ENOX2: variants seen among roughly 807,000 people sequenced by gnomAD.
ENOX2 encodes APK1 antigen.
A neutral mutation model predicts 45.0 loss-of-function variants in ENOX2; 36 were observed. That is an observed-to-expected ratio of 0.80 (90% CI 0.61 to 1.06). The LOEUF (loss-of-function observed/expected upper bound fraction) is 1.06. Ranked by LOEUF, ENOX2 falls within the 50% of genes least tolerant of loss-of-function variation. The pLI is 0.00. For missense variants in ENOX2, 423 were observed against 462.5 expected (o/e 0.91, Z 0.78); for synonymous variants, 174 against 152.3 (o/e 1.14, Z -1.05).
rs756219068 is a variant in ENOX2 at position 130,637,320 on chromosome X, T to G, written c.1220A>C (p.Lys407Thr). The G allele has an allele frequency of 8.3e-7, 1 of 1,211,145 alleles. No individual in the cohort carries two copies. The highest frequency in any genetic ancestry group is 1.1e-6 in the Non-Finnish European group (1 of 894,733). The change falls in exon 11 of 15, where the codon AAG becomes ACG. Residue 407 changes from lysine (K) to threonine (T), a missense_variant. By Grantham distance (78) the Lys-to-Thr change is moderately conservative. Coordinates refer to ENST00000394363, the MANE Select transcript of ENOX2 (RefSeq NM_006375.4). ...TCTGTGGACTTTGCCTTGTTCTTGCTTGAGCAGTTCTACTTCATTCCGGTA... is the reference window on the plus strand; with the variant it reads ...TCTGTGGACTTTGCCTTGTTCTTGCGTGAGCAGTTCTACTTCATTCCGGTA... The part of the protein sequence containing the change: ...DAYRNEVELL[K>T]QEQGKVHRED...
intron 9 of ENOX2, among the ~76,000 whole-genome samples, chrX:130,664,161 G>T (rs916370751): frequency 8.9e-6 from 1 of 112,231 alleles, no homozygotes; most frequent in Non-Finnish European, 1.9e-5. Flanking sequence ...TCCCTTTGCC[G>T]TGCCAGAATT....
At chrX:130,675,368 C>T (rs2037118907) in intron 6 of ENOX2, among the ~76,000 whole-genome samples, 1 of 112,251 alleles carries the variant, frequency 8.9e-6, no homozygotes, top group African/African-American at 3.2e-5. Context: ...CAAAAGCATC[C>T]ATGGACAAAA....
At chrX:130,657,188 C>A (rs1004997858) in intron 9 of ENOX2, among the ~76,000 whole-genome samples, 4 of 111,934 alleles carry the variant, frequency 3.6e-5, no homozygotes, top group African/African-American at 1.3e-4. Flanking sequence ...ACCAGACCAA[C>A]CTTCCCATGG....
intron 10 of ENOX2, among the ~76,000 whole-genome samples, chrX:130,646,519 C>T (rs926209362): frequency 8.9e-6 from 1 of 112,544 alleles, no homozygotes; most frequent in Non-Finnish European, 1.9e-5. Context: ...CCAGATAGAA[C>T]TCTTCTGTAA....
intron 3 of ENOX2, among the ~76,000 whole-genome samples, chrX:130,737,169 A>C (rs1286606360): frequency 8.9e-6 from 1 of 112,125 alleles, no homozygotes; most frequent in Middle Eastern, 4.2e-3. Flanking sequence ...TTAATTTAGG[A>C]GTCTGAAAAA....
chrX:130,676,866 T>C (rs2037166867), intron 6 of ENOX2, among the ~76,000 whole-genome samples: 1 of 111,760 alleles, frequency 8.9e-6, no homozygotes, highest in Admixed American at 9.5e-5. Context: ...TATAGAGCTG[T>C]CAAATTAATC....
At chrX:130,807,424 A>C (rs1000617422) in intron 2 of ENOX2, among the ~76,000 whole-genome samples, 1 of 111,671 alleles carries the variant, frequency 9.0e-6, no homozygotes, top group Non-Finnish European at 1.9e-5. Flanking sequence ...TCACAGACAG[A>C]GAAAAAGAAG....
At chrX:130,800,902 C>T (rs189494060) in intron 2 of ENOX2, among the ~76,000 whole-genome samples, 1 of 112,120 alleles carries the variant, frequency 8.9e-6, no homozygotes, top group East Asian at 2.8e-4. Flanking sequence ...TTATTGTAAA[C>T]CAGAGCAATG....
intron 4 of ENOX2, among the ~76,000 whole-genome samples, chrX:130,700,188 T>C (rs141991515): frequency 1.1e-3 from 126 of 112,470 alleles, no homozygotes; most frequent in Non-Finnish European, 9.6e-4. Context: ...ACTGCCTTCC[T>C]AAAATAATAC....
At chrX:130,708,255 T>C (rs907514478) in intron 3 of ENOX2, among the ~76,000 whole-genome samples, 1 of 111,852 alleles carries the variant, frequency 8.9e-6, no homozygotes, top group Non-Finnish European at 1.9e-5. Flanking sequence ...TAAATGGCCA[T>C]AATAACATGG....
chrX:130,715,514 T>A (rs1391274060), intron 3 of ENOX2, among the ~76,000 whole-genome samples: 3 of 111,524 alleles, frequency 2.7e-5, no homozygotes, highest in African/African-American at 9.8e-5. Flanking sequence ...GACAATAGAC[T>A]TTATTATACA....
intron 6 of ENOX2, among the ~76,000 whole-genome samples, chrX:130,672,302 T>C (rs1232547542): frequency 1.8e-5 from 2 of 112,177 alleles, no homozygotes; most frequent in Non-Finnish European, 1.9e-5. Flanking sequence ...TAATGGTGAC[T>C]GGGGACCAGC....
chrX:130,630,463 C>T (rs1228918943), intron 13 of ENOX2, among the ~76,000 whole-genome samples: 3 of 110,742 alleles, frequency 2.7e-5, no homozygotes, highest in African/African-American at 9.9e-5. Flanking sequence ...GTGATTTCAT[C>T]AGTCATGCCT....
intron 2 of ENOX2, among the ~76,000 whole-genome samples, chrX:130,809,039 G>T (rs1190846994): frequency 8.9e-6 from 1 of 111,898 alleles, no homozygotes; most frequent in African/African-American, 3.2e-5. Flanking sequence ...AGATCCTCTG[G>T]CCTGGAAGTG....
chrX:130,847,119 T>C (rs2078121590), intron 2 of ENOX2, among the ~76,000 whole-genome samples: 1 of 111,774 alleles, frequency 8.9e-6, no homozygotes, highest in Admixed American at 9.5e-5. Flanking sequence ...AAGATGAATC[T>C]CTGGGGTGAG....
intron 5 of ENOX2, among the ~76,000 whole-genome samples, chrX:130,683,278 G>C (rs1436538963): frequency 8.9e-6 from 1 of 111,738 alleles, no homozygotes; most frequent in Non-Finnish European, 1.9e-5. Context: ...TGGTTTGCCA[G>C]GATTTATATA....
At chrX:130,707,262 C>T (rs1364171064) in intron 3 of ENOX2, among the ~76,000 whole-genome samples, 2 of 111,569 alleles carry the variant, frequency 1.8e-5, no homozygotes, top group Non-Finnish European at 3.8e-5. Flanking sequence ...GTGACAAGTT[C>T]TCAAGAGGTC....
intron 14 of ENOX2, among the ~76,000 whole-genome samples, chrX:130,626,272 G>GCATAACTGGATA (rs748353675): frequency 9.5e-4 from 107 of 112,369 alleles, no homozygotes; most frequent in African/African-American, 3.2e-3. Flanking sequence ...CCCAGTGCTG[G>GCATAACTGGATA]CAGTAGACTG....
At chrX:130,684,963 C>CA (rs1443826927) in intron 5 of ENOX2, among the ~76,000 whole-genome samples, 1 of 109,032 alleles carries the variant, frequency 9.2e-6, no homozygotes, top group Non-Finnish European at 1.9e-5. Flanking sequence ...GACCCTGTCT[C>CA]AAAAAAAAGA....
Sources: allele counts gnomAD v4.1 joint callset (sites outside exome capture counted in the v4.1 genomes callset), GRCh38; gene constraint gnomAD v4.1.1; transcripts MANE v1.5; gene names NCBI Gene and HGNC (gene_info 2026-07-23, HGNC 2026-07-21).